DRC8: variants seen among roughly 807,000 people sequenced by gnomAD.
The protein encoded by DRC8 is dynein regulatory complex protein 8.
the DRC8 span, chr1:245,059,390 A>G: frequency 6.2e-7 from 1 of 1,607,526 alleles, no homozygotes; most frequent in Non-Finnish European, 8.5e-7. Context: ...TTCCAGAGAG[A>G]TTGGAACAAT....
chr1:244,996,957 G>A, the DRC8 span, among the ~76,000 whole-genome samples: 1 of 152,176 alleles, frequency 6.6e-6, no homozygotes, highest in Non-Finnish European at 1.5e-5. Flanking sequence ...CAGAATATTT[G>A]CATATAACCT....
At chr1:244,970,701 C>G in the DRC8 span, 3 of 480,152 alleles carry the variant, frequency 6.2e-6, no homozygotes, top group Non-Finnish European at 1.1e-5. Context: ...TCTTCCCTCC[C>G]TCTTCTCTCT....
chr1:245,023,442 G>C, the DRC8 span, among the ~76,000 whole-genome samples: 1 of 152,162 alleles, frequency 6.6e-6, no homozygotes, highest in Non-Finnish European at 1.5e-5. Flanking sequence ...GATATTTGAG[G>C]AACCACTGTA....
At chr1:244,980,598 A>G in the DRC8 span, among the ~76,000 whole-genome samples, 1 of 152,214 alleles carries the variant, frequency 6.6e-6, no homozygotes, top group African/African-American at 2.4e-5. Context: ...GTAATAGGAC[A>G]GATATGAATA....
At chr1:244,985,902 A>G in the DRC8 span, among the ~76,000 whole-genome samples, 48 of 152,228 alleles carry the variant, frequency 3.2e-4, no homozygotes, top group African/African-American at 1.0e-3. Context: ...AAGCAGTTCA[A>G]AAAAGTTCAG....
the DRC8 span, among the ~76,000 whole-genome samples, chr1:245,007,403 G>A: frequency 3.3e-5 from 5 of 152,258 alleles, no homozygotes; most frequent in African/African-American, 1.2e-4. Flanking sequence ...TTTGAATATG[G>A]AATAGATATT....
chr1:245,074,933 T>A, the DRC8 span, among the ~76,000 whole-genome samples: 35 of 114,526 alleles, frequency 3.1e-4, no homozygotes, highest in Non-Finnish European at 6.2e-4. Flanking sequence ...TTATATTTTT[T>A]ACTACAAACA....
the DRC8 span, among the ~76,000 whole-genome samples, chr1:245,092,229 A>G: frequency 6.6e-6 from 1 of 152,246 alleles, no homozygotes; most frequent in South Asian, 2.1e-4. Flanking sequence ...GCAGTCACCC[A>G]GTGTCTAAGT....
chr1:244,981,765 G>T, the DRC8 span, among the ~76,000 whole-genome samples: 1 of 152,166 alleles, frequency 6.6e-6, no homozygotes, highest in African/African-American at 2.4e-5. Flanking sequence ...TTACTCCTAG[G>T]AACCCCACGG....
the DRC8 span, among the ~76,000 whole-genome samples, chr1:245,109,512 G>A: frequency 6.6e-6 from 1 of 152,186 alleles, no homozygotes; most frequent in South Asian, 2.1e-4. Flanking sequence ...ATGCCGGTAC[G>A]CCTGGGTGTG....
At chr1:245,036,723 G>T in the DRC8 span, among the ~76,000 whole-genome samples, 1 of 152,212 alleles carries the variant, frequency 6.6e-6, no homozygotes, top group Non-Finnish European at 1.5e-5. Flanking sequence ...TCTGCTAAGT[G>T]AAAGAAGCTG....
At chr1:245,076,206 T>A in the DRC8 span, among the ~76,000 whole-genome samples, 1 of 152,210 alleles carries the variant, frequency 6.6e-6, no homozygotes, top group African/African-American at 2.4e-5. Context: ...TGCCATTGCA[T>A]GTCATAGAAC....
chr1:245,105,185 C>T, the DRC8 span, among the ~76,000 whole-genome samples: 1 of 152,226 alleles, frequency 6.6e-6, no homozygotes, highest in African/African-American at 2.4e-5. Flanking sequence ...TTTTTATTGC[C>T]TTCCTTCAGG....
At chr1:245,041,419 A>C in the DRC8 span, among the ~76,000 whole-genome samples, 1 of 152,198 alleles carries the variant, frequency 6.6e-6, no homozygotes, top group Non-Finnish European at 1.5e-5. Flanking sequence ...TTTTAAAAAG[A>C]TTGTTCTGGC....
the DRC8 span, among the ~76,000 whole-genome samples, chr1:245,034,428 C>T: frequency 2.0e-5 from 3 of 151,670 alleles, no homozygotes; most frequent in South Asian, 6.2e-4. Context: ...TGGCGAAACC[C>T]TGTCTCTAAT....
chr1:245,016,566 C>T, the DRC8 span, among the ~76,000 whole-genome samples: 6 of 152,244 alleles, frequency 3.9e-5, no homozygotes, highest in African/African-American at 1.2e-4. Flanking sequence ...TGTATTTTAT[C>T]GAATATTACG....
the DRC8 span, among the ~76,000 whole-genome samples, chr1:244,982,928 G>A: frequency 5.9e-5 from 9 of 152,010 alleles, no homozygotes; most frequent in African/African-American, 2.2e-4. Flanking sequence ...AAATTAGCCA[G>A]GTGTGGTGGT....
the DRC8 span, among the ~76,000 whole-genome samples, chr1:245,116,540 G>A: frequency 6.6e-5 from 10 of 152,146 alleles, no homozygotes; most frequent in East Asian, 7.7e-4. Flanking sequence ...GCTAGCTAGT[G>A]TCCACCTCGT....
the DRC8 span, among the ~76,000 whole-genome samples, chr1:245,079,546 A>G: frequency 6.6e-6 from 1 of 152,158 alleles, no homozygotes; most frequent in African/African-American, 2.4e-5. Context: ...GGCGTATATT[A>G]TGTGTCATTT....
Sources: allele counts gnomAD v4.1 joint callset (sites outside exome capture counted in the v4.1 genomes callset), GRCh38; gene constraint gnomAD v4.1.1; transcripts MANE v1.5; gene names NCBI Gene and HGNC (gene_info 2026-07-23, HGNC 2026-07-21).